AMOT: variants seen among roughly 807,000 people sequenced by gnomAD.
AMOT encodes angiomotin.
In AMOT, 11 loss-of-function variants were observed where a neutral mutation model predicts 67.0. That is an observed-to-expected ratio of 0.16 (90% confidence interval 0.10 to 0.27). The LOEUF is 0.27. AMOT is among the 10% of genes least tolerant of loss of function. The pLI is 1.00. For synonymous variants in AMOT, 326 were observed against 321.4 expected (o/e 1.01, Z -0.15); for missense variants, 753 against 852.0 (o/e 0.88, Z 1.45).
chrX:112,826,649 T>C (rs764260861), intron 2 of AMOT, among the ~76,000 whole-genome samples: 2 of 111,934 alleles, frequency 1.8e-5, no homozygotes, highest in African/African-American at 3.2e-5. Flanking sequence ...CATCCTTTTT[T>C]TTCCAACTGA....
At chrX:112,828,042 C>G (rs1934888303) in intron 2 of AMOT, among the ~76,000 whole-genome samples, 1 of 111,466 alleles carries the variant, frequency 9.0e-6, no homozygotes, top group Admixed American at 9.6e-5. Context: ...CAAACACACA[C>G]ACACACATAA....
At position 112,778,528 on chromosome X, in the gene AMOT, G is replaced by C. The variant is rs748613153; in HGVS notation, c.*39C>G. ...AATAAAAGGGGGAAAATGATTAAAAGCATTTTTGCTGATAATCTGCAGCTC... is the reference window on the plus strand; with the variant it reads ...AATAAAAGGGGGAAAATGATTAAAACCATTTTTGCTGATAATCTGCAGCTC... On this transcript the variant is annotated 3_prime_UTR_variant, in exon 14 of 14. Transcript: ENST00000371959. 10 of 1,124,059 alleles carry C rather than the reference G, an allele frequency of 8.9e-6. No homozygotes were observed. The Admixed American group carries it at 1.8e-4, about 20-fold the overall frequency. 92.6% of individuals were successfully genotyped at this position (1,124,059 alleles called of 1,213,427 possible). A position where few individuals can be genotyped will look rare whatever the true frequency, so the allele number is the denominator to read the frequency against.
intron 1 of AMOT, among the ~76,000 whole-genome samples, chrX:112,838,125 T>G (rs1935175089): frequency 9.0e-6 from 1 of 111,222 alleles, no homozygotes; most frequent in Non-Finnish European, 1.9e-5. Flanking sequence ...AGGGAATATA[T>G]CCTCTATTCC....
At chrX:112,809,138 G>A (rs769399623) in intron 7 of AMOT, among the ~76,000 whole-genome samples, 97 of 111,333 alleles carry the variant, frequency 8.7e-4, no homozygotes, top group Middle Eastern at 4.6e-3. Context: ...ACTAGCTACC[G>A]GCATCTGCAG....
chrX:112,810,782 T>C (rs1934337305), intron 6 of AMOT, among the ~76,000 whole-genome samples: 1 of 110,668 alleles, frequency 9.0e-6, no homozygotes, highest in Non-Finnish European at 1.9e-5. Context: ...GTTTTGAAGG[T>C]GCTGAAGGCA....
chrX:112,828,624 T>C (rs1164992789), intron 2 of AMOT, among the ~76,000 whole-genome samples: 1 of 110,452 alleles, frequency 9.1e-6, no homozygotes, highest in Non-Finnish European at 1.9e-5. Context: ...CTTAGATCAT[T>C]GAAAGCCAGA....
chrX:112,815,956 A>G, intron 4 of AMOT, 79 bp from the exon 5 acceptor site: 1 of 1,115,521 alleles, frequency 9.0e-7, no homozygotes, highest in Non-Finnish European at 1.2e-6. Context: ...AAGTGAGATG[A>G]GGAGGCTTCT....
rs1932918189 is a variant in AMOT at position 112,775,434 on chromosome X, T to C, written c.*3133A>G. The C allele has an allele frequency of 8.9e-6, 1 of 112,447 alleles. No individual in the cohort carries two copies. The highest frequency in any genetic ancestry group is 9.5e-5 in the Admixed American group (1 of 10,578). The allele number at this position is 112,447 out of a possible 1,213,427, so 9.3% of individuals were successfully genotyped here. On this transcript the variant is annotated 3_prime_UTR_variant, in exon 14 of 14. Coordinates refer to ENST00000371959, the MANE Select transcript of AMOT (RefSeq NM_001113490.2). ...GCCGCATTATGAGGGTTTAGGCTTGTCATAAAAAGTAGTTTGCACAATCAA... is the reference window on the plus strand; with the variant it reads ...GCCGCATTATGAGGGTTTAGGCTTGCCATAAAAAGTAGTTTGCACAATCAA...
At chrX:112,808,398 T>C (rs1934255240) in intron 7 of AMOT, among the ~76,000 whole-genome samples, 2 of 111,523 alleles carry the variant, frequency 1.8e-5, no homozygotes, top group African/African-American at 6.5e-5. Context: ...CTAGGATTCC[T>C]GCAGTACATT....
At chrX:112,827,866 A>G (rs1271838708) in intron 2 of AMOT, among the ~76,000 whole-genome samples, 1 of 111,622 alleles carries the variant, frequency 9.0e-6, no homozygotes, top group East Asian at 2.8e-4. Context: ...ACCCTCCCAC[A>G]TTCTGCCCCT....
At chrX:112,838,686 T>TA (rs1217455861) in intron 1 of AMOT, among the ~76,000 whole-genome samples, 1 of 112,679 alleles carries the variant, frequency 8.9e-6, no homozygotes, top group African/African-American at 3.2e-5. Context: ...ATTCCCTTTC[T>TA]AAAATCTTTT....
intron 7 of AMOT, among the ~76,000 whole-genome samples, chrX:112,808,518 G>A (rs1320003540): frequency 1.8e-5 from 2 of 111,845 alleles, no homozygotes; most frequent in Non-Finnish European, 1.9e-5. Context: ...CAAGAGTCAT[G>A]CCCTCTTCCC....
intron 3 of AMOT, among the ~76,000 whole-genome samples, chrX:112,823,957 A>G (rs1036515186): frequency 6.3e-5 from 7 of 111,690 alleles, no homozygotes; most frequent in Admixed American, 1.9e-4. Flanking sequence ...GCCTCTGACA[A>G]AATTTAGAAA....
chrX:112,833,478 A>AG (rs34937321), intron 1 of AMOT, among the ~76,000 whole-genome samples: 1,141 of 66,686 alleles, frequency 0.017, 23 homozygotes, highest in East Asian at 0.037. Flanking sequence ...CTGGGAGTAA[A>AG]GGGGGGGGGG....
chrX:112,830,577 C>A (rs920330491), intron 2 of AMOT, among the ~76,000 whole-genome samples: 4 of 112,180 alleles, frequency 3.6e-5, no homozygotes, highest in African/African-American at 1.3e-4. Context: ...TGAAATCCCT[C>A]CCTCATTTAA....
At chrX:112,815,112 A>G (rs1934501231) in intron 5 of AMOT, among the ~76,000 whole-genome samples, 1 of 111,890 alleles carries the variant, frequency 8.9e-6, no homozygotes, top group Non-Finnish European at 1.9e-5. Flanking sequence ...CTTTAGGGCT[A>G]TAGCGTCTGG....
intron 4 of AMOT, among the ~76,000 whole-genome samples, chrX:112,820,263 G>A (rs1322707211): frequency 1.8e-5 from 2 of 111,429 alleles, no homozygotes; most frequent in African/African-American, 6.5e-5. Flanking sequence ...GCTCAACAAG[G>A]GTAGATCATC....
intron 8 of AMOT, among the ~76,000 whole-genome samples, chrX:112,801,728 A>G (rs995837293): frequency 8.9e-6 from 1 of 112,487 alleles, no homozygotes; most frequent in African/African-American, 3.2e-5. Context: ...TTGTAAAGAG[A>G]AAGACATAAA....
At chrX:112,791,119 C>T (rs1453686043) in intron 9 of AMOT, among the ~76,000 whole-genome samples, 2 of 110,783 alleles carry the variant, frequency 1.8e-5, no homozygotes, top group East Asian at 2.8e-4. Flanking sequence ...GTGGCTCACA[C>T]CTGTAATCCC....
Sources: gnomAD v4.1 joint callset for allele counts (sites outside exome capture counted in the v4.1 genomes callset) on GRCh38, gnomAD v4.1.1 for gene constraint, MANE v1.5 for transcripts, NCBI Gene and HGNC (gene_info 2026-07-23, HGNC 2026-07-21) for gene names.